EGLN1: variants seen among roughly 807,000 people sequenced by gnomAD.
EGLN1 encodes the protein egl nine homolog 1.
A neutral mutation model predicts 38.3 loss-of-function variants in EGLN1; 17 were observed. The ratio of observed to expected loss-of-function variants is 0.44; its 90% CI spans 0.30 to 0.67. The LOEUF (loss-of-function observed/expected upper bound fraction) is 0.67, where lower values mean the gene tolerates loss of function less well. EGLN1 is among the 30% of genes least tolerant of loss of function. The pLI is 0.08. For missense variants in EGLN1, 477 were observed against 603.3 expected, an observed-to-expected ratio of 0.79 and a Z score of 2.19; for synonymous variants, 283 against 257.5, an observed-to-expected ratio of 1.10 and a Z score of -0.95.
chr1:231,382,138 A>G (rs2102905567), intron 1 of EGLN1, among the ~76,000 whole-genome samples: 1 of 152,354 alleles, frequency 6.6e-6, no homozygotes, highest in African/African-American at 2.4e-5. Context: ...ACAAACATAC[A>G]TTCTGGCACT....
intron 3 of EGLN1, 88 bp downstream of exon 3, chr1:231,370,474 A>G: frequency 7.2e-7 from 1 of 1,390,084 alleles, no homozygotes; most frequent in Non-Finnish European, 1.0e-6. Flanking sequence ...GCAGGAAAAT[A>G]CTCATTAGAA....
intron 1 of EGLN1, among the ~76,000 whole-genome samples, chr1:231,410,069 G>C (rs1465699898): frequency 6.6e-6 from 1 of 152,164 alleles, no homozygotes; most frequent in Non-Finnish European, 1.5e-5. Context: ...TTAAGGGGCA[G>C]ACACTGCCAA....
intron 1 of EGLN1, among the ~76,000 whole-genome samples, chr1:231,376,245 T>C (rs867860694): frequency 1.3e-5 from 2 of 152,222 alleles, no homozygotes; most frequent in Non-Finnish European, 2.9e-5. Flanking sequence ...CACACCATTC[T>C]GAGTAGTGCA....
At chr1:231,412,680 G>A (rs1184144574) in intron 1 of EGLN1, among the ~76,000 whole-genome samples, 1 of 152,178 alleles carries the variant, frequency 6.6e-6, no homozygotes, top group African/African-American at 2.4e-5. Flanking sequence ...GGGCTAGAAG[G>A]TCAACAGTAG....
chr1:231,409,686 A>G (rs1688884974), intron 1 of EGLN1, among the ~76,000 whole-genome samples: 1 of 152,210 alleles, frequency 6.6e-6, no homozygotes, highest in African/African-American at 2.4e-5. Flanking sequence ...AGACGAAGGA[A>G]TCTTTAACAA....
chr1:231,422,042 A>C lies in EGLN1; in HGVS notation c.-154T>G. The C allele has an allele frequency of 8.9e-6, 7 of 787,862 alleles. No individual in the cohort carries two copies. Among genetic ancestry groups the C allele is most frequent in the East Asian group, 3.7e-5 (1 of 26,934 alleles). 48.8% of individuals were successfully genotyped at this position (787,862 alleles called of 1,614,324 possible). ...CTCGCCTCAGGGAGGCCGGCACCCC[A>C]CGCCCTCGGCCCGGCCGCTTCCGAG... On this transcript the variant is annotated 5_prime_UTR_variant, in exon 1 of 5. Transcript: ENST00000366641.
intron 1 of EGLN1, among the ~76,000 whole-genome samples, chr1:231,417,387 T>C (rs1166758347): frequency 1.3e-5 from 2 of 152,218 alleles, no homozygotes; most frequent in Non-Finnish European, 2.9e-5. Flanking sequence ...ATTTCTATTT[T>C]AATGGGAAAA....
chr1:231,391,133 T>A (rs112474163), intron 1 of EGLN1, among the ~76,000 whole-genome samples: 6,698 of 54,816 alleles, frequency 0.12, 94 homozygotes, highest in South Asian at 0.15. Flanking sequence ...TGTGTGTGTG[T>A]GAGACAGGGA....
chr1:231,407,646 T>C (rs1688831733), intron 1 of EGLN1, among the ~76,000 whole-genome samples: 1 of 152,158 alleles, frequency 6.6e-6, no homozygotes, highest in Admixed American at 6.5e-5. Context: ...GGACATAAGA[T>C]ATGCAGGCCC....
In EGLN1 at chr1:231,366,281, G is replaced by C; in HGVS notation, c.*130C>G. On this transcript the variant is annotated 3_prime_UTR_variant, in exon 5 of 5. Transcript: ENST00000366641. ...TCTTCTGTTTGATGCAACACAAAAA[G>C]TTGTTTCTGTTTCCTTATTAAAATG... is the stretch of plus-strand genomic sequence containing the variant. The C allele has an allele frequency of 1.0e-6, 1 of 970,668 alleles. No homozygotes were observed. Among genetic ancestry groups the C allele is most frequent in the Non-Finnish European group, 1.6e-6 (1 of 621,072 alleles). 60.1% of individuals were successfully genotyped at this position (970,668 alleles called of 1,614,324 possible). A position where few individuals can be genotyped will look rare whatever the true frequency, so the allele number is the denominator to read the frequency against.
chr1:231,422,204 GGCC>G lies in EGLN1; in HGVS notation c.-319_-317del, dbSNP rs1232424278. ...TGGGGAGCGCAAGACCGGCCCCCTCGGCCGCCGCCGCCGCCTCAGCGTCCCGGG... is the reference window on the plus strand; with the variant it reads ...TGGGGAGCGCAAGACCGGCCCCCTCGGCCGCCGCCGCCTCAGCGTCCCGGG... On this transcript the variant is annotated 5_prime_UTR_variant, in exon 1 of 5. Coordinates refer to ENST00000366641, the MANE Select transcript of EGLN1 (RefSeq NM_022051.3). The G allele has an allele frequency of 1.0e-4, 20 of 196,802 alleles. No individual in the cohort carries two copies. The highest frequency in any genetic ancestry group is 1.8e-4 in the Non-Finnish European group (18 of 98,572). The allele number at this position is 196,802 out of a possible 1,614,324, so 12.2% of individuals were successfully genotyped here.
chr1:231,392,625 AAAT>A (rs377565771), intron 1 of EGLN1, among the ~76,000 whole-genome samples: 16 of 152,362 alleles, frequency 1.1e-4, no homozygotes, highest in African/African-American at 3.8e-4. Context: ...CTGTATTTGG[AAAT>A]AATGACAGTA....
intron 1 of EGLN1, among the ~76,000 whole-genome samples, chr1:231,415,640 T>C (rs2102941327): frequency 6.6e-6 from 1 of 152,270 alleles, no homozygotes. Flanking sequence ...TGCATAGCGC[T>C]TTACCATCTA....
chr1:231,411,934 G>C (rs562816417), intron 1 of EGLN1, among the ~76,000 whole-genome samples: 1 of 141,644 alleles, frequency 7.1e-6, no homozygotes, highest in East Asian at 2.2e-4. Flanking sequence ...AGAAGGCAGA[G>C]GTTGCAGGCA....
At chr1:231,373,836 ACTC>A (rs763683041) in intron 2 of EGLN1, 141 bp downstream of exon 2, 1 of 838,508 alleles carries the variant, frequency 1.2e-6, no homozygotes, top group Non-Finnish European at 1.9e-6. Context: ...ACAAAAATCC[ACTC>A]CTAATACCTG....
intron 1 of EGLN1, among the ~76,000 whole-genome samples, chr1:231,412,834 A>G (rs565797346): frequency 6.6e-6 from 1 of 152,222 alleles, no homozygotes; most frequent in Non-Finnish European, 1.5e-5. Context: ...GAAAAGCAGA[A>G]GACTTAGGTC....
At chr1:231,418,785 C>T (rs7534248) in intron 1 of EGLN1, among the ~76,000 whole-genome samples, 40,735 of 151,030 alleles carry the variant, frequency 0.27, 5,739 homozygotes, top group East Asian at 0.39. Context: ...TAGCTTGAGT[C>T]CAGGAGGTGG....
rs867632979 is a variant in EGLN1 at position 231,408,833 on chromosome 1, T to A, written c.891+12165A>T. 3.9e-5 allele frequency among the ~76,000 whole-genome samples: 6 copies of A among 152,076 alleles called. No homozygotes were observed. The South Asian group carries it at 6.3e-4, about 16-fold the overall frequency. ...TAGAGAAATGAGGGCAAGAAGCAAG[T>A]TAGAGGACCTTCTCACCACTTTCCA... On this transcript the variant is annotated intron_variant, in intron 1 of 4. Transcript: ENST00000366641.
At chr1:231,375,121 C>T (rs1316663802) in intron 1 of EGLN1, among the ~76,000 whole-genome samples, 1 of 152,146 alleles carries the variant, frequency 6.6e-6, no homozygotes, top group Non-Finnish European at 1.5e-5. Flanking sequence ...TGCAGTGGCA[C>T]GATCTCAGCT....
Sources: allele counts gnomAD v4.1 joint callset (sites outside exome capture counted in the v4.1 genomes callset), GRCh38; gene constraint gnomAD v4.1.1; transcripts MANE v1.5; gene names NCBI Gene and HGNC (gene_info 2026-07-23, HGNC 2026-07-21).